Variants in DNAJC2 observed in about 807,000 individuals in gnomAD.
The protein encoded by DNAJC2 is dnaJ homolog subfamily C member 2.
A neutral mutation model predicts 94.0 loss-of-function variants in DNAJC2; 32 were observed. The observed-to-expected ratio is 0.34, with a 90% CI of 0.26 to 0.46. The LOEUF (loss-of-function observed/expected upper bound fraction) is 0.46. DNAJC2 is among the 20% of genes least tolerant of loss of function. The pLI, the probability that DNAJC2 is intolerant of heterozygous loss-of-function variation, is 1.00. For missense variants in DNAJC2, 550 were observed against 719.5 expected (o/e 0.76, Z 2.69); for synonymous variants, 210 against 229.7 (o/e 0.91, Z 0.77).
intron 3 of DNAJC2, among the ~76,000 whole-genome samples, chr7:103,334,491 A>G (rs888998820): frequency 9.2e-5 from 14 of 151,840 alleles, no homozygotes; most frequent in Non-Finnish European, 1.8e-4. Context: ...CAGGAGAACC[A>G]CTTGAACCCT....
chr7:103,313,370 A>G lies in DNAJC2; in HGVS notation c.1637-269T>C, dbSNP rs991978184. ...TTGTACTGTTTATCTCTTAAAAATC[A>G]ATGTAATACACTCACCAGACTGGTA... On this transcript the variant is annotated intron_variant, in intron 15 of 16. Coordinates refer to ENST00000379263, the MANE Select transcript of DNAJC2 (RefSeq NM_014377.3). 3 of 1,125,658 alleles carry G rather than the reference A, an allele frequency of 2.7e-6. No individual in the cohort carries two copies. In the African/African-American group the frequency reaches 4.9e-5, roughly 18 times the overall value. The allele number at this position is 1,125,658 out of a possible 1,614,324, so 69.7% of individuals were successfully genotyped here. A position where few individuals can be genotyped will look rare whatever the true frequency, so the allele number is the denominator to read the frequency against.
At chr7:103,314,182 G>A in intron 15 of DNAJC2, 1 of 985,322 alleles carries the variant, frequency 1.0e-6, no homozygotes, top group Non-Finnish European at 1.2e-6. Context: ...TTGGTTTAAA[G>A]CCCTAAATAC....
At chr7:103,313,179 C>T in intron 15 of DNAJC2, 78 bp from the exon 16 acceptor site, 1 of 1,485,832 alleles carries the variant, frequency 6.7e-7, no homozygotes, top group African/African-American at 1.4e-5. Flanking sequence ...CAAGTATTCG[C>T]TAAGTGCCCA....
At chr7:103,325,458 A>AAC (rs1554568560) in intron 5 of DNAJC2, among the ~76,000 whole-genome samples, 1 of 151,762 alleles carries the variant, frequency 6.6e-6, no homozygotes, top group Admixed American at 6.6e-5. Flanking sequence ...GGAAAAAAAA[A>AAC]AAACCAAAAA....
intron 3 of DNAJC2, among the ~76,000 whole-genome samples, chr7:103,334,861 T>C (rs1819105674): frequency 6.6e-6 from 1 of 152,278 alleles, no homozygotes; most frequent in Non-Finnish European, 1.5e-5. Flanking sequence ...TTTGAGGCAG[T>C]TTCCCTCTGT....
rs764388747 is a variant in DNAJC2 at position 103,337,736 on chromosome 7, G to T, written c.331C>A (p.His111Asn). The change falls in exon 3 of 17, where the codon CAT (histidine) becomes AAT (asparagine). Residue 111 changes from histidine to asparagine, a missense_variant and splice_region_variant. Coordinates refer to ENST00000379263, the MANE Select transcript of DNAJC2 (RefSeq NM_014377.3). Reference protein sequence around the residue: ...KATQRQIKAAHKAMVLKHHPD... With the variant: ...KATQRQIKAANKAMVLKHHPD... The stretch of plus-strand genomic sequence containing the variant: ...TATTTCAAAATAACTAAGTACTTAC[G>T]AGCTGCTTTGATCTGTCTCTGTGTA... 6.2e-7 allele frequency: 1 copy of T among 1,610,398 alleles called. No individual in the cohort carries two copies. The highest frequency in any genetic ancestry group is 8.5e-7 in the Non-Finnish European group (1 of 1,177,220).
intron 5 of DNAJC2, among the ~76,000 whole-genome samples, chr7:103,326,030 G>C (rs1250153148): frequency 1.3e-5 from 2 of 151,986 alleles, no homozygotes; most frequent in Non-Finnish European, 2.9e-5. Context: ...GTCTTGCTCA[G>C]TGTAGTGGCA....
At chr7:103,316,597 A>G in intron 13 of DNAJC2, 1 of 473,004 alleles carries the variant, frequency 2.1e-6, no homozygotes, top group Non-Finnish European at 3.7e-6. Flanking sequence ...TTGTCTCATG[A>G]TCTTCAATTT....
chr7:103,312,801 A>G, intron 16 of DNAJC2, 146 bp downstream of exon 16: 15 of 1,512,054 alleles, frequency 9.9e-6, no homozygotes, highest in Non-Finnish European at 1.2e-5. Context: ...AAGGTTGCTC[A>G]TTTCTTCCTC....
At chr7:103,330,067 A>G (rs574142413) in intron 3 of DNAJC2, among the ~76,000 whole-genome samples, 1 of 152,322 alleles carries the variant, frequency 6.6e-6, no homozygotes, top group South Asian at 2.1e-4. Flanking sequence ...AAAGTAGGGA[A>G]TTAACTACAT....
At chr7:103,322,991 G>A (rs964324214) in intron 7 of DNAJC2, among the ~76,000 whole-genome samples, 197 bp from the exon 8 acceptor site, 4 of 151,772 alleles carry the variant, frequency 2.6e-5, no homozygotes, top group Non-Finnish European at 5.9e-5. Flanking sequence ...GTGCAATGGC[G>A]TGATTTTGGC....
At chr7:103,326,944 A>G (rs1184023227) in intron 4 of DNAJC2, among the ~76,000 whole-genome samples, 1 of 152,104 alleles carries the variant, frequency 6.6e-6, no homozygotes, top group Non-Finnish European at 1.5e-5. Context: ...AGAAAAGATG[A>G]CTCTGGGGAA....
At chr7:103,319,925 C>T in intron 10 of DNAJC2, 81 bp from the exon 11 acceptor site, 1 of 1,467,558 alleles carries the variant, frequency 6.8e-7, no homozygotes, top group Non-Finnish European at 9.5e-7. Context: ...ATCCCAGCTA[C>T]TCGGGAGGCT....
chr7:103,323,606 T>C lies in DNAJC2; in HGVS notation c.711A>G (p.Lys237=). 1 of 1,467,130 alleles carries C rather than the reference T, an allele frequency of 6.8e-7. No homozygotes were observed. The allele number at this position is 1,467,130 out of a possible 1,614,324, so 90.9% of individuals were successfully genotyped here. ...FSYLDEEEKE[K]AECRDERRWI... is the part of the protein sequence containing the mutation. The stretch of plus-strand genomic sequence containing the variant: ...ATGATTTGCATACATACCATTCTGC[T>C]TTTTCTTTTTCTTCTTCATCTAAAT... The change falls in exon 7 of 17, where the codon AAA becomes AAG. Residue 237 remains lysine, a synonymous_variant. Transcript: ENST00000379263.
At chr7:103,328,575 G>A (rs758258815) in intron 3 of DNAJC2, among the ~76,000 whole-genome samples, 1 of 152,126 alleles carries the variant, frequency 6.6e-6, no homozygotes, top group Non-Finnish European at 1.5e-5. Flanking sequence ...AGGCTGCAGT[G>A]AGCTGAGATG....
intron 16 of DNAJC2, 64 bp downstream of exon 16, chr7:103,312,883 A>G (rs1817831860): frequency 6.4e-7 from 1 of 1,560,406 alleles, no homozygotes; most frequent in African/African-American, 1.4e-5. Context: ...GACATAAAAT[A>G]TGAGCTATAT....
intron 3 of DNAJC2, chr7:103,328,983 C>T: frequency 7.8e-7 from 1 of 1,276,662 alleles, no homozygotes; most frequent in Non-Finnish European, 1.0e-6. Context: ...AGTTATTTTC[C>T]AAAAGGCAAA....
chr7:103,321,541 AT>A (rs543145349), intron 10 of DNAJC2, among the ~76,000 whole-genome samples: 1,522 of 148,742 alleles, frequency 0.01, 21 homozygotes, highest in African/African-American at 0.034. Context: ...AATAAAAATA[AT>A]TTTTTTTTTT....
At chr7:103,337,885 TTAA>T in intron 2 of DNAJC2, 74 bp from the exon 3 acceptor site, 1 of 1,048,276 alleles carries the variant, frequency 9.5e-7, no homozygotes, top group Non-Finnish European at 1.5e-6. Flanking sequence ...TTCTGGTACC[TTAA>T]TAAGCATTTC....
Sources: gnomAD v4.1 joint callset for allele counts (sites outside exome capture counted in the v4.1 genomes callset) on GRCh38, gnomAD v4.1.1 for gene constraint, MANE v1.5 for transcripts, NCBI Gene and HGNC (gene_info 2026-07-23, HGNC 2026-07-21) for gene names.